Variants in CSNK1G1 observed in about 807,000 individuals in gnomAD.
CSNK1G1 encodes casein kinase 1 gamma 1.
A neutral mutation model predicts 59.6 loss-of-function variants in CSNK1G1; 22 were observed. That is an observed-to-expected ratio of 0.37 (90% CI 0.26 to 0.53). CSNK1G1 has a LOEUF of 0.53. CSNK1G1 is among the 20% of genes least tolerant of loss of function. The probability of loss-of-function intolerance (pLI) is 0.89; values close to 1 mark genes in which losing one functional copy is unlikely to be tolerated. For synonymous variants in CSNK1G1, 179 were observed against 177.1 expected (o/e 1.01, Z -0.08); for missense variants, 384 against 519.5 (o/e 0.74, Z 2.54).
At chr15:64,268,450 C>A (rs1206142728) in intron 2 of CSNK1G1, among the ~76,000 whole-genome samples, 1 of 152,136 alleles carries the variant, frequency 6.6e-6, no homozygotes, top group Non-Finnish European at 1.5e-5. Context: ...TAAATAACAT[C>A]ATTTCATGTT....
intron 10 of CSNK1G1, among the ~76,000 whole-genome samples, chr15:64,192,577 T>G (rs2081985927): frequency 1.3e-5 from 2 of 152,158 alleles, no homozygotes; most frequent in Admixed American, 1.3e-4. Flanking sequence ...GGGATTAATG[T>G]AAGAGTGACA....
rs574311731 is a variant in CSNK1G1, at chr15:64,195,314, T to G, written c.1107+7768A>C. ...AATGGGATCTGTTCCTCTAACCTGC[T>G]AGTTACTAAGTAGCCCTTCTTTTTC... On this transcript the variant is annotated intron_variant, in intron 10 of 11. Coordinates refer to ENST00000303052, the MANE Select transcript of CSNK1G1 (RefSeq NM_022048.5). 5.3e-5 allele frequency among the ~76,000 whole-genome samples: 8 copies of G among 152,332 alleles called. 1 individual carries two copies. In the South Asian group the frequency reaches 1.7e-3, roughly 32 times the overall value.
At chr15:64,286,731 CT>C (rs760465466) in intron 2 of CSNK1G1, among the ~76,000 whole-genome samples, 2 of 152,230 alleles carry the variant, frequency 1.3e-5, no homozygotes, top group East Asian at 1.9e-4. Flanking sequence ...AAATCTACCC[CT>C]AGCCTTTTAT....
chr15:64,325,465 T>C (rs1346485827), intron 1 of CSNK1G1, among the ~76,000 whole-genome samples: 1 of 152,218 alleles, frequency 6.6e-6, no homozygotes, highest in Non-Finnish European at 1.5e-5. Flanking sequence ...TCTCATATTA[T>C]AATGGCTTAC....
intron 2 of CSNK1G1, among the ~76,000 whole-genome samples, chr15:64,262,334 C>T (rs1415237188): frequency 2.0e-5 from 3 of 152,072 alleles, no homozygotes; most frequent in South Asian, 2.1e-4. Context: ...AGCTTGGATA[C>T]GGAGGGTAGT....
intron 4 of CSNK1G1, among the ~76,000 whole-genome samples, chr15:64,226,580 A>C (rs889316613): frequency 2.0e-5 from 3 of 151,156 alleles, no homozygotes; most frequent in Admixed American, 6.6e-5. Context: ...ACAAACAAAC[A>C]AACCAAAAAA....
intron 2 of CSNK1G1, among the ~76,000 whole-genome samples, chr15:64,289,822 A>G (rs567988482): frequency 6.6e-6 from 1 of 152,212 alleles, no homozygotes; most frequent in East Asian, 1.9e-4. Context: ...ACATTTTTCA[A>G]ATGAAGACAT....
In CSNK1G1 at chr15:64,350,458, G is replaced by A. The variant is rs548529409; in HGVS notation, c.-225+5530C>T. Among the ~76,000 whole-genome samples the A allele has an allele frequency of 5.3e-5, 8 of 151,826 alleles. No individual in the cohort carries two copies. In the East Asian group the frequency reaches 1.2e-3, roughly 22 times the overall value. On this transcript the variant is annotated intron_variant, in intron 1 of 11. Coordinates refer to ENST00000303052, the MANE Select transcript of CSNK1G1 (RefSeq NM_022048.5). The stretch of plus-strand genomic sequence containing the variant: ...GGAGCTTGCAGTGAGCCAAGATCAC[G>A]CCACTGCACTCCAGCCTGAGCAACA...
At chr15:64,201,745 T>TGC in intron 10 of CSNK1G1, among the ~76,000 whole-genome samples, 1 of 136,788 alleles carries the variant, frequency 7.3e-6, no homozygotes, top group East Asian at 1.9e-4. Context: ...TGTGTGTGTG[T>TGC]GTGTGTTTAT....
intron 10 of CSNK1G1, chr15:64,195,123 T>A (rs189035216): frequency 6.6e-6 from 1 of 152,246 alleles, no homozygotes; most frequent in Non-Finnish European, 1.5e-5. Flanking sequence ...CTTAAACATA[T>A]GCTACGCATC....
At chr15:64,197,088 A>G (rs377510066) in intron 10 of CSNK1G1, among the ~76,000 whole-genome samples, 1 of 152,232 alleles carries the variant, frequency 6.6e-6, no homozygotes, top group Admixed American at 6.5e-5. Context: ...AGCAGTGAAC[A>G]AAACAACAAA....
intron 4 of CSNK1G1, among the ~76,000 whole-genome samples, chr15:64,230,378 G>A (rs908932768): frequency 2.6e-5 from 4 of 151,714 alleles, no homozygotes; most frequent in African/African-American, 9.7e-5. Flanking sequence ...GCTCACTGCA[G>A]CCTTGACTTC....
At chr15:64,351,977 C>A (rs1898318297) in intron 1 of CSNK1G1, among the ~76,000 whole-genome samples, 2 of 152,080 alleles carry the variant, frequency 1.3e-5, no homozygotes, top group African/African-American at 2.4e-5. Flanking sequence ...ATGATCTCAA[C>A]TTTAAGATTT....
intron 2 of CSNK1G1, among the ~76,000 whole-genome samples, chr15:64,285,506 A>C (rs1894359548): frequency 6.6e-6 from 1 of 152,200 alleles, no homozygotes; most frequent in Admixed American, 6.6e-5. Flanking sequence ...TACTTTATAA[A>C]ATAAAGAAGA....
intron 2 of CSNK1G1, among the ~76,000 whole-genome samples, chr15:64,261,939 CTCA>C: frequency 6.0e-5 from 1 of 16,738 alleles, no homozygotes; most frequent in African/African-American, 3.4e-4. Context: ...AAGACTCCGT[CTCA>C]AAAAAAAAAA....
chr15:64,221,934 C>G (rs1250284614), intron 4 of CSNK1G1, among the ~76,000 whole-genome samples: 1 of 151,810 alleles, frequency 6.6e-6, no homozygotes, highest in Non-Finnish European at 1.5e-5. Context: ...GAGTATATAC[C>G]CAAAGGAATA....
chr15:64,251,640 T>A, intron 3 of CSNK1G1, 59 bp from the exon 4 acceptor site: 1 of 1,294,600 alleles, frequency 7.7e-7, no homozygotes, highest in Non-Finnish European at 1.1e-6. Flanking sequence ...TTTCCATTCT[T>A]AAATTTTTGG....
chr15:64,172,143 AGT>A (rs1196997202), intron 11 of CSNK1G1, among the ~76,000 whole-genome samples, 158 bp from the exon 12 acceptor site: 2 of 152,234 alleles, frequency 1.3e-5, no homozygotes, highest in African/African-American at 4.8e-5. Context: ...GGCAGTGGGC[AGT>A]GTCTGCCAGA....
chr15:64,311,815 G>C (rs1896013781), intron 1 of CSNK1G1, among the ~76,000 whole-genome samples: 1 of 152,028 alleles, frequency 6.6e-6, no homozygotes, highest in African/African-American at 2.4e-5. Flanking sequence ...GGGAGGTGGT[G>C]CTTGCAGTGA....
Sources: allele counts gnomAD v4.1 joint callset (sites outside exome capture counted in the v4.1 genomes callset), GRCh38; gene constraint gnomAD v4.1.1; transcripts MANE v1.5; gene names NCBI Gene and HGNC (gene_info 2026-07-23, HGNC 2026-07-21).